PIBF1: variants seen among roughly 807,000 people sequenced by gnomAD.
The protein encoded by PIBF1 is progesterone immunomodulatory binding factor 1.
In PIBF1, 90 loss-of-function variants were observed where a neutral mutation model predicts 112.5. The ratio of observed to expected loss-of-function variants is 0.80; its 90% CI spans 0.67 to 0.95. PIBF1 has a LOEUF of 0.95. Ranked by LOEUF, PIBF1 falls within the 40% of genes least tolerant of loss-of-function variation. The pLI is 0.00. For synonymous variants in PIBF1, 301 were observed against 288.6 expected (o/e 1.04, Z -0.44); for missense variants, 915 against 852.3 (o/e 1.07, Z -0.92).
chr13:73,010,840 T>TTTTTTTTTTTTTTTTTTTA (rs2044180451), intron 17 of PIBF1, among the ~76,000 whole-genome samples: 1 of 97,648 alleles, frequency 1.0e-5, no homozygotes, highest in African/African-American at 3.4e-5. Flanking sequence ...TTTTTTTTTT[T>TTTTTTTTTTTTTTTTTTTA]GAGACAGAGT....
At chr13:72,871,642 G>C (rs2039170790) in intron 10 of PIBF1, among the ~76,000 whole-genome samples, 1 of 152,108 alleles carries the variant, frequency 6.6e-6, no homozygotes, top group Admixed American at 6.5e-5. Flanking sequence ...GTCATGATTA[G>C]AGCTTCCCCT....
intron 1 of PIBF1, among the ~76,000 whole-genome samples, chr13:72,782,900 GTGTGTGTT>G (rs775855903): frequency 1.1e-3 from 159 of 143,392 alleles, no homozygotes; most frequent in African/African-American, 2.7e-3. Context: ...GTGTGTGTGT[GTGTGTGTT>G]TGTGTTTGTG....
chr13:72,843,591 T>C (rs1229207084), intron 9 of PIBF1, among the ~76,000 whole-genome samples: 2 of 152,190 alleles, frequency 1.3e-5, no homozygotes, highest in African/African-American at 4.8e-5. Flanking sequence ...TTTGTACTTT[T>C]AGTAGAGACG....
intron 11 of PIBF1, among the ~76,000 whole-genome samples, chr13:72,905,009 A>G (rs2040642654): frequency 6.6e-6 from 1 of 151,814 alleles, no homozygotes. Flanking sequence ...ACAACTAGTA[A>G]GTGACTGAAC....
At chr13:72,952,070 T>C (rs2042314987) in intron 14 of PIBF1, among the ~76,000 whole-genome samples, 1 of 144,160 alleles carries the variant, frequency 6.9e-6, no homozygotes, top group African/African-American at 2.5e-5. Flanking sequence ...AGTCTTGCTC[T>C]GTTGCCTCGT....
chr13:72,841,074 G>A (rs1157590539), intron 9 of PIBF1, among the ~76,000 whole-genome samples: 1 of 152,148 alleles, frequency 6.6e-6, no homozygotes, highest in Non-Finnish European at 1.5e-5. Context: ...TAAGAAAAGG[G>A]CAATTATAAA....
intron 14 of PIBF1, among the ~76,000 whole-genome samples, chr13:72,956,653 G>T (rs2042453401): frequency 6.6e-6 from 1 of 152,126 alleles, no homozygotes; most frequent in African/African-American, 2.4e-5. Context: ...AACTCTGATG[G>T]CTCTTTAGTC....
intron 15 of PIBF1, among the ~76,000 whole-genome samples, chr13:72,966,383 C>T (rs1411384927): frequency 6.6e-6 from 1 of 152,080 alleles, no homozygotes; most frequent in Non-Finnish European, 1.5e-5. Context: ...TTTAGGAGCA[C>T]ATTTATACCT....
chr13:72,928,006 C>CATATATATATACACACATATACAT (rs34525341), intron 13 of PIBF1, among the ~76,000 whole-genome samples: 2 of 101,814 alleles, frequency 2.0e-5, no homozygotes, highest in African/African-American at 1.1e-4. Flanking sequence ...CATATATATA[C>CATATATATATACACACATATACAT]ATATATATAC....
rs753468636 is a variant in PIBF1 at position 72,998,984 on chromosome 13, C to T, written c.2212C>T (p.Pro738Ser). Residue 738 changes from proline to serine, a missense_variant, in exon 17 of 18, where the codon CCA becomes TCA. By Grantham distance (74) the Pro-to-Ser change is moderately conservative (BLOSUM62 -1). Coordinates refer to ENST00000326291, the MANE Select transcript of PIBF1 (RefSeq NM_006346.4). ...TGAAGACAATATATTTACACCTAAA[C>T]CAACACTCTTTGTAAGTACAATTTT... ...EHEDNIFTPK[P>S]TLFTKKEAPE... 4 of 1,583,832 alleles carry T rather than the reference C, an allele frequency of 2.5e-6. No individual in the cohort carries two copies. In the East Asian group the frequency reaches 9.0e-5, roughly 36 times the overall value.
At chr13:72,789,921 G>T (rs536071100) in intron 2 of PIBF1, among the ~76,000 whole-genome samples, 115 of 152,104 alleles carry the variant, frequency 7.6e-4, no homozygotes, top group Non-Finnish European at 1.2e-3. Flanking sequence ...TTCTTGATTT[G>T]GGAAACAGTA....
Position 72,827,870 on chromosome 13 carries a change from C to T in PIBF1, c.1053C>T (p.Ser351=). The T allele has an allele frequency of 6.3e-7, 1 of 1,586,280 alleles. No homozygotes were observed. The highest frequency in any genetic ancestry group is 1.2e-5 in the South Asian group (1 of 85,094). ...GACTTCAAGCTCAACTGGAAGAAAGCAAAAAGGCTAGAGAAGAGATGTATG... is the reference window on the plus strand; with the variant it reads ...GACTTCAAGCTCAACTGGAAGAAAGTAAAAAGGCTAGAGAAGAGATGTATG... The part of the protein sequence containing the change: ...LERLQAQLEE[S]KKAREEMYEK... Residue 351 remains serine, a synonymous_variant, in exon 8 of 18, where the codon AGC becomes AGT. Coordinates refer to ENST00000326291, the MANE Select transcript of PIBF1 (RefSeq NM_006346.4).
intron 17 of PIBF1, among the ~76,000 whole-genome samples, chr13:73,003,113 G>A (rs865973670): frequency 2.2e-4 from 33 of 151,344 alleles, no homozygotes; most frequent in African/African-American, 7.8e-4. Flanking sequence ...TTCAGGCCTT[G>A]ACTTACATTT....
At chr13:72,786,509 G>C (rs1024041813) in intron 2 of PIBF1, among the ~76,000 whole-genome samples, 2 of 152,062 alleles carry the variant, frequency 1.3e-5, no homozygotes, top group Non-Finnish European at 2.9e-5. Context: ...CACTGTTTTT[G>C]AAGTTATCTA....
At chr13:73,007,131 G>GT (rs2139049186) in intron 17 of PIBF1, among the ~76,000 whole-genome samples, 1 of 151,554 alleles carries the variant, frequency 6.6e-6, no homozygotes, top group African/African-American at 2.4e-5. Context: ...CAGTTAAATG[G>GT]TTAATCCCAT....
chr13:72,892,287 T>C (rs988978345), intron 10 of PIBF1, among the ~76,000 whole-genome samples: 2 of 152,144 alleles, frequency 1.3e-5, no homozygotes, highest in African/African-American at 4.8e-5. Context: ...CCAAAAAAGT[T>C]AGTCACAAAA....
At chr13:72,928,597 G>A (rs1464513802) in intron 13 of PIBF1, among the ~76,000 whole-genome samples, 8 of 151,974 alleles carry the variant, frequency 5.3e-5, no homozygotes, top group Non-Finnish European at 1.0e-4. Flanking sequence ...CTGCCACCAC[G>A]CCCAGCTAAT....
In PIBF1 at chr13:72,928,016, C is replaced by CATAT. The variant is rs1368777771; in HGVS notation, c.1731-3143_1731-3140dup. Among the ~76,000 whole-genome samples, 4 of 53,982 alleles carry CATAT rather than the reference C, an allele frequency of 7.4e-5. 1 individual carries two copies. Among genetic ancestry groups the CATAT allele is most frequent in the African/African-American group, 2.6e-4 (4 of 15,570 alleles). 35.4% of individuals were successfully genotyped at this position (53,982 alleles called of 152,430 possible). A position where few individuals can be genotyped will look rare whatever the true frequency, so the allele number is the denominator to read the frequency against. On this transcript the variant is annotated intron_variant, in intron 13 of 17. Coordinates refer to ENST00000326291, the MANE Select transcript of PIBF1 (RefSeq NM_006346.4). ...ACACACATATATATACATATATATA[C>CATAT]ATATATATACATATATATATATATA... is the stretch of plus-strand genomic sequence containing the variant.
intron 17 of PIBF1, among the ~76,000 whole-genome samples, chr13:73,015,085 G>A (rs745562324): frequency 1.4e-5 from 2 of 146,830 alleles, no homozygotes; most frequent in African/African-American, 2.5e-5. Context: ...CGCGCCCATC[G>A]TCAAGTGATC....
Sources: gnomAD v4.1 joint callset for allele counts (sites outside exome capture counted in the v4.1 genomes callset) on GRCh38, gnomAD v4.1.1 for gene constraint, MANE v1.5 for transcripts, NCBI Gene and HGNC (gene_info 2026-07-23, HGNC 2026-07-21) for gene names.